MGST2: variants seen among roughly 807,000 people sequenced by gnomAD.
MGST2 encodes the protein glutathione peroxidase MGST2.
Under a neutral mutation model 16.6 loss-of-function variants are expected in MGST2, and 9 were observed. That is an observed-to-expected ratio of 0.54 (90% CI 0.33 to 0.95). The LOEUF (loss-of-function observed/expected upper bound fraction) is 0.95. Ranked by LOEUF, MGST2 falls within the 40% of genes least tolerant of loss-of-function variation. The probability of loss-of-function intolerance (pLI) is 0.03; values close to 1 mark genes in which losing one functional copy is unlikely to be tolerated. For missense variants in MGST2, 159 were observed against 175.1 expected (o/e 0.91, Z 0.52); for synonymous variants, 79 against 68.0 (o/e 1.16, Z -0.79).
At chr4:139,708,046 A>T (rs2110919356), downstream of MGST2, among the ~76,000 whole-genome samples, 1 of 152,166 alleles carries the variant, frequency 6.6e-6, no homozygotes, top group East Asian at 1.9e-4. Flanking sequence ...GCTGTGCAGA[A>T]GCTCTTGAGT....
At chr4:139,684,449 CAG>C (rs1237491773) in intron 2 of MGST2, among the ~76,000 whole-genome samples, 1 of 152,124 alleles carries the variant, frequency 6.6e-6, no homozygotes, top group Admixed American at 6.5e-5. Context: ...AAGGGTCCTG[CAG>C]AGAGATCTGA....
intron 5 of MGST2, among the ~76,000 whole-genome samples, chr4:139,729,800 T>C (rs1221912703): frequency 6.6e-6 from 1 of 152,214 alleles, no homozygotes; most frequent in Non-Finnish European, 1.5e-5. Context: ...AAGGTAAAGC[T>C]GTATTTGTGT....
the MGST2 span, among the ~76,000 whole-genome samples, chr4:139,746,953 T>G: frequency 6.6e-6 from 1 of 152,172 alleles, no homozygotes; most frequent in Non-Finnish European, 1.5e-5. Flanking sequence ...GGGGTTCATC[T>G]TAAGAAATTG....
At chr4:139,679,583 G>A (rs542141101) in intron 2 of MGST2, among the ~76,000 whole-genome samples, 1 of 152,042 alleles carries the variant, frequency 6.6e-6, no homozygotes, top group Non-Finnish European at 1.5e-5. Context: ...AATGATTATT[G>A]GACTAGGCAG....
the MGST2 span, among the ~76,000 whole-genome samples, chr4:139,749,863 C>G: frequency 1.3e-5 from 2 of 149,348 alleles, no homozygotes; most frequent in Non-Finnish European, 3.0e-5. Context: ...CCTTTCAACT[C>G]TCATAGTGGA....
In MGST2 at chr4:139,715,655, C is replaced by T. The variant is rs1228192045; in HGVS notation, c.*48+11459C>T. Reference sequence around the variant, plus strand: ...CTAAACAAGGGGTGCATTATTCATGCCTCCCCTTTTTAGACCATATAGGGT... The same window carrying T: ...CTAAACAAGGGGTGCATTATTCATGTCTCCCCTTTTTAGACCATATAGGGT... On this transcript the variant is annotated intron_variant, in intron 5 of 5. Transcript: ENST00000616265. The surrounding 1 kb of genome is among the most constrained non-coding windows in gnomAD (Gnocchi z 4.4). 2.0e-5 allele frequency among the ~76,000 whole-genome samples: 3 copies of T among 152,120 alleles called. No homozygotes were observed. The highest frequency in any genetic ancestry group is 2.0e-4 in the Admixed American group (3 of 15,262).
Position 139,666,057 on chromosome 4 carries a change from T to C in MGST2, c.38T>C (p.Ile13Thr), listed in dbSNP as rs748490509. The change falls in exon 1 of 5, where the codon ATT becomes ACT. Residue 13 changes from isoleucine (I) to threonine (T), a missense_variant. Coordinates refer to ENST00000265498, the MANE Select transcript of MGST2 (RefSeq NM_002413.5). ...GNSILLAAVS[I>T]LSACQQSYFA... ...TCGATCCTGCTGGCTGCTGTCTCTATTCTCTCGGCCTGTCAGCAAAGTAAG... is the reference window on the plus strand; with the variant it reads ...TCGATCCTGCTGGCTGCTGTCTCTACTCTCTCGGCCTGTCAGCAAAGTAAG... 4.3e-6 allele frequency: 7 copies of C among 1,614,042 alleles called. No individual in the cohort carries two copies. The Admixed American group carries it at 1.2e-4, about 27-fold the overall frequency.
At chr4:139,708,994 C>T (rs1418208756), downstream of MGST2, among the ~76,000 whole-genome samples, 1 of 78,516 alleles carries the variant, frequency 1.3e-5, no homozygotes, top group Non-Finnish European at 2.6e-5. Context: ...AGCAAAACTC[C>T]GTCTCAAAAA....
Position 139,737,746 on chromosome 4 carries a change from C to T in MGST2, c.*49-2466C>T, listed in dbSNP as rs74928274. On this transcript the variant is annotated intron_variant, in intron 5 of 5. Coordinates refer to the MGST2 transcript ENST00000616265. ...AAGGCAGTGATTTGGTTTTCTTTTA[C>T]AAACTTTCTTTTTCCAGAAAAATTT... 2.5e-3 allele frequency among the ~76,000 whole-genome samples: 375 copies of T among 152,270 alleles called. 1 individual carries two copies. The highest frequency in any genetic ancestry group is 4.2e-3 in the Non-Finnish European group (287 of 68,008).
intron 1 of MGST2, among the ~76,000 whole-genome samples, chr4:139,671,122 T>C (rs901413462): frequency 6.6e-6 from 1 of 152,182 alleles, no homozygotes; most frequent in African/African-American, 2.4e-5. Flanking sequence ...ATCCCCATTT[T>C]AACCTTAATC....
chr4:139,707,771 C>T (rs1048475088), downstream of MGST2, among the ~76,000 whole-genome samples: 24 of 152,116 alleles, frequency 1.6e-4, no homozygotes, highest in Non-Finnish European at 4.4e-5. Flanking sequence ...GATGGTATCT[C>T]ATTGTGGTTT....
chr4:139,738,088 A>G (rs1241628888), intron 5 of MGST2, among the ~76,000 whole-genome samples: 1 of 147,746 alleles, frequency 6.8e-6, no homozygotes, highest in East Asian at 1.9e-4. Flanking sequence ...CTGGGTAGAA[A>G]CTCAGCTCCA....
At chr4:139,727,394 T>C (rs916845883) in intron 5 of MGST2, among the ~76,000 whole-genome samples, 3 of 152,204 alleles carry the variant, frequency 2.0e-5, no homozygotes, top group African/African-American at 7.2e-5. Context: ...AAACTTCCCA[T>C]ATAATATAAG....
intron 3 of MGST2, chr4:139,697,994 C>T: frequency 1.8e-6 from 1 of 559,496 alleles, no homozygotes; most frequent in East Asian, 2.9e-5. Context: ...TACCTGATTT[C>T]TGTCCCCTAT....
chr4:139,750,429 G>A, the MGST2 span, among the ~76,000 whole-genome samples: 1 of 152,218 alleles, frequency 6.6e-6, no homozygotes, highest in African/African-American at 2.4e-5. Flanking sequence ...TGCACTAAAT[G>A]CAAACCAGGT....
chr4:139,691,697 G>GATTATTATTATTATTATTATT (rs3841989), intron 2 of MGST2, among the ~76,000 whole-genome samples: 2 of 137,458 alleles, frequency 1.5e-5, no homozygotes, highest in African/African-American at 6.3e-5. Flanking sequence ...TGATGATGAT[G>GATTATTATTATTATTATTATT]ATTATTATTA....
At chr4:139,734,927 C>T (rs1023288699) in intron 5 of MGST2, among the ~76,000 whole-genome samples, 2 of 152,232 alleles carry the variant, frequency 1.3e-5, no homozygotes, top group Non-Finnish European at 2.9e-5. Flanking sequence ...TTCCAGGCGT[C>T]CCTCGCCGGG....
intron 2 of MGST2, among the ~76,000 whole-genome samples, chr4:139,691,165 C>T (rs1726559834): frequency 6.6e-6 from 1 of 152,296 alleles, no homozygotes; most frequent in Middle Eastern, 3.4e-3. Context: ...CCTGTTTTTC[C>T]AGTATGGACA....
In MGST2 at chr4:139,666,088, T is replaced by G; in HGVS notation, c.58+11T>G. The G allele has an allele frequency of 6.2e-7, 1 of 1,600,482 alleles. No homozygotes were observed. The highest frequency in any genetic ancestry group is 8.5e-7 in the Non-Finnish European group (1 of 1,176,204). ...CGGCCTGTCAGCAAAGTAAGAGGCA[T>G]GGGAAGTTCGTGTGTGTGCGCGTGT... On this transcript the variant is annotated intron_variant, in intron 1 of 4. Transcript: ENST00000265498.
Sources: allele counts gnomAD v4.1 joint callset (sites outside exome capture counted in the v4.1 genomes callset), GRCh38; gene constraint gnomAD v4.1.1; non-coding constraint Gnocchi (gnomAD v3.1); transcripts MANE v1.5; gene names NCBI Gene and HGNC (gene_info 2026-07-23, HGNC 2026-07-21).